The following MACROD2 variants were observed in gnomAD, a reference collection of about 807,000 sequenced individuals.
MACROD2 encodes ADP-ribose glycohydrolase MACROD2.
In MACROD2, 36 loss-of-function variants were observed where a neutral mutation model predicts 70.4. The ratio of observed to expected loss-of-function variants is 0.51; its 90% CI spans 0.39 to 0.68. The LOEUF (loss-of-function observed/expected upper bound fraction) is 0.68, where lower values mean the gene tolerates loss of function less well. Among genes scored for constraint, MACROD2 ranks in the 30% least tolerant of loss-of-function variants. The pLI is 0.00. For missense variants in MACROD2, 496 were observed against 538.4 expected, an observed-to-expected ratio of 0.92 and a Z score of 0.78; for synonymous variants, 172 against 178.8, an observed-to-expected ratio of 0.96 and a Z score of 0.30.
At chr20:15,318,794 G>A (rs1395731422) in intron 6 of MACROD2, among the ~76,000 whole-genome samples, 1 of 151,998 alleles carries the variant, frequency 6.6e-6, no homozygotes, top group Non-Finnish European at 1.5e-5. Flanking sequence ...TCAAAAACTA[G>A]AAATGGGAGA....
At chr20:14,486,788 G>A (rs1568635189) in intron 3 of MACROD2, among the ~76,000 whole-genome samples, 2 of 151,746 alleles carry the variant, frequency 1.3e-5, no homozygotes, top group South Asian at 2.1e-4. Flanking sequence ...CAAAGTGCTG[G>A]GATTATAGGT....
intron 4 of MACROD2, among the ~76,000 whole-genome samples, chr20:14,634,716 A>T (rs940151118): frequency 1.3e-5 from 2 of 152,210 alleles, no homozygotes; most frequent in African/African-American, 2.4e-5. Context: ...TCAATGCTGA[A>T]GGCTTTTTAT....
chr20:15,128,925 C>T (rs1364141569), intron 5 of MACROD2, among the ~76,000 whole-genome samples: 2 of 151,766 alleles, frequency 1.3e-5, no homozygotes, highest in African/African-American at 2.4e-5. Flanking sequence ...ATAAAATCAC[C>T]ATTAGCATAA....
chr20:14,944,805 C>A (rs943067253), intron 5 of MACROD2, among the ~76,000 whole-genome samples: 1 of 152,114 alleles, frequency 6.6e-6, no homozygotes, highest in Admixed American at 6.5e-5. Context: ...CACTGAGAAC[C>A]ACCAGTCTGG....
intron 12 of MACROD2, among the ~76,000 whole-genome samples, chr20:15,947,660 C>T (rs2065843385): frequency 6.6e-6 from 1 of 152,166 alleles, no homozygotes; most frequent in Non-Finnish European, 1.5e-5. Context: ...CTTTTCCCTA[C>T]ACTCAACACA....
chr20:14,463,546 G>T (rs371460480), intron 3 of MACROD2, among the ~76,000 whole-genome samples: 1 of 151,946 alleles, frequency 6.6e-6, no homozygotes, highest in East Asian at 1.9e-4. Context: ...CTGCCTGATT[G>T]CCCTGACCAG....
At chr20:15,128,438 T>A (rs1255460678) in intron 5 of MACROD2, among the ~76,000 whole-genome samples, 1 of 152,094 alleles carries the variant, frequency 6.6e-6, no homozygotes, top group Non-Finnish European at 1.5e-5. Context: ...TTATGTTTTA[T>A]TGTATGAGTT....
At chr20:14,793,614 T>C (rs1199289312) in intron 5 of MACROD2, among the ~76,000 whole-genome samples, 2 of 151,988 alleles carry the variant, frequency 1.3e-5, no homozygotes, top group Non-Finnish European at 2.9e-5. Context: ...AAAAGAGACC[T>C]GTGAGCCAAC....
chr20:14,589,635 A>T (rs1382053951), intron 4 of MACROD2, among the ~76,000 whole-genome samples: 4 of 152,214 alleles, frequency 2.6e-5, no homozygotes. Context: ...TATTATAATG[A>T]CTGAAATGTT....
intron 7 of MACROD2, among the ~76,000 whole-genome samples, chr20:15,489,823 G>A (rs2047205391): frequency 6.6e-6 from 1 of 152,174 alleles, no homozygotes; most frequent in Admixed American, 6.5e-5. Context: ...GCTAGGGTAT[G>A]GAGGGGGTGT....
At chr20:15,547,817 GAA>G (rs777786273) in intron 8 of MACROD2, among the ~76,000 whole-genome samples, 31 of 152,126 alleles carry the variant, frequency 2.0e-4, no homozygotes, top group Non-Finnish European at 3.8e-4. Flanking sequence ...TTGATCTAGT[GAA>G]GTTTCACCTT....
At chr20:15,188,146 A>C (rs1182602816) in intron 5 of MACROD2, among the ~76,000 whole-genome samples, 1 of 152,200 alleles carries the variant, frequency 6.6e-6, no homozygotes, top group Admixed American at 6.5e-5. Context: ...TTTCTCATAT[A>C]AATTATTCCA....
chr20:14,475,855 C>T (rs926832933), intron 3 of MACROD2, among the ~76,000 whole-genome samples: 2 of 151,928 alleles, frequency 1.3e-5, no homozygotes, highest in Non-Finnish European at 1.5e-5. Context: ...TCTGATATAA[C>T]ACTACCCCAA....
At chr20:14,464,233 A>T (rs372262698) in intron 3 of MACROD2, among the ~76,000 whole-genome samples, 5 of 151,994 alleles carry the variant, frequency 3.3e-5, no homozygotes, top group Non-Finnish European at 5.9e-5. Context: ...GTCTATTCAG[A>T]GATTCAACTT....
chr20:14,925,370 T>C (rs1193243592), intron 5 of MACROD2, among the ~76,000 whole-genome samples: 2 of 152,208 alleles, frequency 1.3e-5, no homozygotes, highest in African/African-American at 2.4e-5. Flanking sequence ...AGATAGTGGT[T>C]ATACATAATA....
intron 4 of MACROD2, among the ~76,000 whole-genome samples, chr20:14,545,360 G>T (rs2085480530): frequency 6.6e-6 from 1 of 152,126 alleles, no homozygotes; most frequent in Non-Finnish European, 1.5e-5. Flanking sequence ...CTAAAGCTGT[G>T]TGCATTTAGC....
chr20:14,324,700 A>G (rs912686930), intron 3 of MACROD2: 6 of 152,172 alleles, frequency 3.9e-5, no homozygotes, highest in African/African-American at 1.2e-4. Context: ...AAAAATCAGG[A>G]TGGTATAGGC....
intron 4 of MACROD2, among the ~76,000 whole-genome samples, chr20:14,521,025 CTG>C (rs1157549167): frequency 2.0e-5 from 3 of 152,106 alleles, no homozygotes; most frequent in African/African-American, 7.2e-5. Flanking sequence ...CAGAAAATTC[CTG>C]GGGAGACATG....
chr20:15,720,601 TA>T (rs1266312596), intron 8 of MACROD2, among the ~76,000 whole-genome samples: 1 of 152,180 alleles, frequency 6.6e-6, no homozygotes, highest in African/African-American at 2.4e-5. Flanking sequence ...GTGTTTCGGT[TA>T]TGGGTTTCCT....
Sources: allele counts gnomAD v4.1 joint callset (sites outside exome capture counted in the v4.1 genomes callset), GRCh38; gene constraint gnomAD v4.1.1; transcripts MANE v1.5; gene names NCBI Gene and HGNC (gene_info 2026-07-23, HGNC 2026-07-21).